Variants in RBFOX2 observed in about 807,000 individuals in gnomAD.
RBFOX2 encodes the protein RNA binding protein fox-1 homolog 2.
Under a neutral mutation model 49.1 loss-of-function variants are expected in RBFOX2, and 10 were observed. The observed-to-expected ratio is 0.20, with a 90% CI of 0.13 to 0.35. The LOEUF (loss-of-function observed/expected upper bound fraction) is 0.35. Among genes scored for constraint, RBFOX2 ranks in the 10% least tolerant of loss-of-function variants. The pLI is 1.00. For synonymous variants in RBFOX2, 183 were observed against 187.4 expected (o/e 0.98, Z 0.19); for missense variants, 323 against 486.9 (o/e 0.66, Z 3.17).
chr22:35,741,787 G>A (rs1930068972), exon 12 of RBFOX2: 1 of 152,658 alleles, frequency 6.6e-6, no homozygotes, highest in South Asian at 2.1e-4. Context: ...TAAAAGGTCT[G>A]TGGGAGCCGC....
At chr22:35,853,976 C>A (rs2042234130) in intron 1 of RBFOX2, among the ~76,000 whole-genome samples, 2 of 152,008 alleles carry the variant, frequency 1.3e-5, no homozygotes. Context: ...TTTGGGAGGC[C>A]AAGGCAGGTG....
rs576513388 is a variant in RBFOX2 at position 35,910,660 on chromosome 22, C to T, written c.-34+28187G>A. On this transcript the variant is annotated intron_variant, in intron 1 of 13. Transcript: ENST00000359369. ...TGAGATTCCTGGAGAATTAGAAGTA[C>T]TCCCACTTCCCTAGATGATTCATTT... 1.8e-4 allele frequency among the ~76,000 whole-genome samples: 27 copies of T among 152,322 alleles called. No homozygotes were observed. In the South Asian group the frequency reaches 2.1e-3, roughly 12 times the overall value.
At chr22:35,743,725 AG>A (rs777893842) in exon 12 of RBFOX2, 3 of 152,964 alleles carry the variant, frequency 2.0e-5, no homozygotes, top group Non-Finnish European at 4.4e-5. Context: ...TCAGAAGACT[AG>A]AAGAATATCC....
At chr22:35,869,742 T>G (rs889103669) in intron 1 of RBFOX2, among the ~76,000 whole-genome samples, 2 of 152,218 alleles carry the variant, frequency 1.3e-5, no homozygotes, top group Non-Finnish European at 2.9e-5. Context: ...TCCCTCATCT[T>G]TTAGTCTGAA....
At chr22:35,761,449 T>G (rs1938833399) in exon 7 of RBFOX2, 1 of 1,614,174 alleles carries the variant, frequency 6.2e-7, no homozygotes, top group East Asian at 2.2e-5. Flanking sequence ...CAGCTCCAAC[T>G]ACTGGGCTTA....
chr22:35,891,649 C>T (rs542782481), intron 1 of RBFOX2, among the ~76,000 whole-genome samples: 277 of 152,242 alleles, frequency 1.8e-3, no homozygotes, highest in Non-Finnish European at 2.5e-3. Context: ...ACTGCACAGA[C>T]AGGGAGAACA....
chr22:35,963,682 TTA>T (rs2056391290), upstream of RBFOX2, among the ~76,000 whole-genome samples: 1 of 152,156 alleles, frequency 6.6e-6, no homozygotes, highest in South Asian at 2.1e-4. Flanking sequence ...TCCAAGAGTT[TTA>T]TATGTGTCAT....
intron 4 of RBFOX2, among the ~76,000 whole-genome samples, chr22:35,772,496 C>G (rs942961234): frequency 1.3e-5 from 2 of 152,072 alleles, no homozygotes; most frequent in Non-Finnish European, 2.9e-5. Flanking sequence ...CCATTTTACC[C>G]TTACAGGCAC....
chr22:35,792,325 AAAAAAAAAAGAAAAG>A (rs1263195421), intron 2 of RBFOX2, among the ~76,000 whole-genome samples: 7 of 137,174 alleles, frequency 5.1e-5, no homozygotes, highest in African/African-American at 1.8e-4. Flanking sequence ...CAAAAAAAAA[AAAAAAAAAAGAAAAG>A]AAAAGAAAAG....
upstream of RBFOX2, among the ~76,000 whole-genome samples, chr22:35,966,639 C>G (rs963241954): frequency 2.0e-5 from 3 of 152,034 alleles, no homozygotes; most frequent in Non-Finnish European, 2.9e-5. Context: ...AGTAACTACT[C>G]AAATATTTTG....
At chr22:35,967,943 T>C (rs2056658035) in intron 1 of RBFOX2, among the ~76,000 whole-genome samples, 4 of 152,050 alleles carry the variant, frequency 2.6e-5, no homozygotes, top group Admixed American at 2.6e-4. Flanking sequence ...ATAAAAAAAA[T>C]CTAGGTCATT....
In RBFOX2 at chr22:36,008,371, C is replaced by T. The variant is rs527397319; in HGVS notation, c.186+19869G>A. Reference sequence around the variant, plus strand: ...AGCAAAAGAAGGGGGAGGGCTGTTACACAATAAGAGAGGATTACATTAAAT... The same window carrying T: ...AGCAAAAGAAGGGGGAGGGCTGTTATACAATAAGAGAGGATTACATTAAAT... On this transcript the variant is annotated intron_variant, in intron 1 of 13. Transcript: ENST00000438146. Among the ~76,000 whole-genome samples the T allele has an allele frequency of 7.9e-5, 12 of 152,122 alleles. No individual in the cohort carries two copies. The South Asian group carries it at 2.3e-3, about 29-fold the overall frequency.
At chr22:35,741,411 C>T (rs190892855) in exon 12 of RBFOX2, 1 of 152,346 alleles carries the variant, frequency 6.6e-6, no homozygotes, top group African/African-American at 2.4e-5. Flanking sequence ...TTTTTTAATA[C>T]AGTGAGAACC....
chr22:35,857,185 T>C (rs537989605), intron 1 of RBFOX2, among the ~76,000 whole-genome samples: 1 of 152,276 alleles, frequency 6.6e-6, no homozygotes, highest in Admixed American at 6.5e-5. Context: ...GTATTTCAGA[T>C]CTGATCTTTA....
chr22:35,781,846 CA>C, intron 2 of RBFOX2, 100 bp from the exon 4 acceptor site: 3 of 1,417,308 alleles, frequency 2.1e-6, no homozygotes, highest in East Asian at 4.7e-5. Flanking sequence ...TATGTTTAAG[CA>C]AAAATCACAG....
intron 1 of RBFOX2, among the ~76,000 whole-genome samples, chr22:35,816,327 TA>T (rs373314188): frequency 6.6e-6 from 1 of 152,172 alleles, no homozygotes; most frequent in Non-Finnish European, 1.5e-5. Flanking sequence ...ACTTTTTTTT[TA>T]AACTACCATA....
intron 1 of RBFOX2, among the ~76,000 whole-genome samples, chr22:35,886,000 G>A (rs921564563): frequency 1.3e-5 from 2 of 151,490 alleles, no homozygotes; most frequent in Non-Finnish European, 2.9e-5. Context: ...GGAACTACAG[G>A]CACCCACCAC....
At position 36,001,184 on chromosome 22, in the gene RBFOX2, TACACACACACACACACACAC is replaced by T. The variant is rs57905429; in HGVS notation, c.186+27036_186+27055del. Reference sequence around the variant, plus strand: ...AATGTTTTTCTCTGGCCCCAAAACATACACACACACACACACACACACACACACACACACACACACACACA... The same window carrying T: ...AATGTTTTTCTCTGGCCCCAAAACATACACACACACACACACACACACACA... On this transcript the variant is annotated intron_variant, in intron 1 of 13. Transcript: ENST00000438146. Among the ~76,000 whole-genome samples, 30 of 133,684 alleles carry T rather than the reference TACACACACACACACACACAC, an allele frequency of 2.2e-4. 1 individual carries two copies. The highest frequency in any genetic ancestry group is 8.2e-4 in the Admixed American group (11 of 13,340). 87.7% of individuals were successfully genotyped at this position (133,684 alleles called of 152,430 possible). A position where few individuals can be genotyped will look rare whatever the true frequency, so the allele number is the denominator to read the frequency against.
intron 4 of RBFOX2, among the ~76,000 whole-genome samples, chr22:35,774,694 A>G (rs1943470445): frequency 6.6e-6 from 1 of 152,202 alleles, no homozygotes; most frequent in African/African-American, 2.4e-5. Context: ...ACTACTATAG[A>G]GTAATTCTAC....
Sources: gnomAD v4.1 joint callset for allele counts (sites outside exome capture counted in the v4.1 genomes callset) on GRCh38, gnomAD v4.1.1 for gene constraint, MANE v1.5 for transcripts, NCBI Gene and HGNC (gene_info 2026-07-23, HGNC 2026-07-21) for gene names.